ROR2: variants seen among roughly 807,000 people sequenced by gnomAD.
ROR2 encodes the protein ROR family WNT receptor 2, also known as tyrosine-protein kinase transmembrane receptor ROR2.
A neutral mutation model predicts 74.9 loss-of-function variants in ROR2; 33 were observed. The observed-to-expected ratio is 0.44, with a 90% confidence interval of 0.33 to 0.59. The LOEUF (loss-of-function observed/expected upper bound fraction) is 0.59. ROR2 is among the 20% of genes least tolerant of loss of function. The pLI is 0.02. For missense variants in ROR2, 1,216 were observed against 1,313.8 expected (o/e 0.93, Z 1.15); for synonymous variants, 586 against 558.7 (o/e 1.05, Z -0.69).
intron 1 of ROR2, among the ~76,000 whole-genome samples, chr9:91,943,453 C>T (rs147279085): frequency 6.6e-6 from 1 of 152,184 alleles, no homozygotes; most frequent in East Asian, 1.9e-4. Context: ...TCAACCCCTC[C>T]AGATTCTTCC....
At chr9:91,763,190 G>T (rs1825966893) in intron 2 of ROR2, among the ~76,000 whole-genome samples, 1 of 152,186 alleles carries the variant, frequency 6.6e-6, no homozygotes, top group Non-Finnish European at 1.5e-5. Flanking sequence ...AAGGTAGGAG[G>T]AGGGTGAGGA....
intron 1 of ROR2, among the ~76,000 whole-genome samples, chr9:91,878,142 C>G (rs1354081263): frequency 6.6e-6 from 1 of 152,098 alleles, no homozygotes; most frequent in East Asian, 1.9e-4. Context: ...AAAAAACACC[C>G]TAGAGTAGCC....
chr9:91,869,994 G>A (rs942007274), intron 1 of ROR2, among the ~76,000 whole-genome samples: 4 of 152,162 alleles, frequency 2.6e-5, no homozygotes, highest in Non-Finnish European at 5.9e-5. Flanking sequence ...CATCTGTTCC[G>A]AGAGCCAAGA....
intron 1 of ROR2, among the ~76,000 whole-genome samples, chr9:91,900,320 G>GC (rs1345195266): frequency 3.3e-5 from 5 of 152,128 alleles, no homozygotes; most frequent in Non-Finnish European, 5.9e-5. Flanking sequence ...GACGGCAGAC[G>GC]CAAGTCCTCC....
At chr9:91,948,387 T>C (rs1239968818) in intron 1 of ROR2, among the ~76,000 whole-genome samples, 3 of 152,138 alleles carry the variant, frequency 2.0e-5, no homozygotes, top group African/African-American at 7.2e-5. Flanking sequence ...GGGGGAGGGG[T>C]TGCAGAAATC....
chr9:91,871,767 G>A (rs1216648807), intron 1 of ROR2, among the ~76,000 whole-genome samples: 1 of 152,086 alleles, frequency 6.6e-6, no homozygotes, highest in East Asian at 1.9e-4. Context: ...AGTCCTTTTT[G>A]GAACCCAGCC....
At chr9:91,860,303 C>T (rs1166537869) in intron 1 of ROR2, among the ~76,000 whole-genome samples, 1 of 152,174 alleles carries the variant, frequency 6.6e-6, no homozygotes. Context: ...GAAACTGAAG[C>T]ACCCCAAGGC....
Position 91,724,352 on chromosome 9 carries a change from G to T in ROR2, c.2142C>A (p.Pro714=). 4 of 1,613,606 alleles carry T rather than the reference G, an allele frequency of 2.5e-6. No individual in the cohort carries two copies. The part of the protein sequence containing the change: ...MIRNRQVLPC[P]DDCPAWVYAL... Reference sequence around the variant, plus strand: ...CATACACCCAGGCGGGACAGTCATCGGGGCAAGGCAGCACCTGCCGGTTCC... The same window carrying T: ...CATACACCCAGGCGGGACAGTCATCTGGGCAAGGCAGCACCTGCCGGTTCC... The change falls in exon 9 of 9, where the codon CCC becomes CCA. Residue 714 remains proline, a synonymous_variant. Transcript: ENST00000375708.
intron 1 of ROR2, among the ~76,000 whole-genome samples, chr9:91,791,790 C>T (rs1587722482): frequency 1.3e-5 from 2 of 152,042 alleles, no homozygotes; most frequent in South Asian, 2.1e-4. Flanking sequence ...TTCCTAAGTG[C>T]ACATAAAACA....
Position 91,724,949 on chromosome 9 carries a change from C to A in ROR2, c.1545G>T (p.Gly515=). The stretch of plus-strand genomic sequence containing the variant: ...CATGCCGGAACTCCTCCCGCAGGGG[C>A]CCCTCCGCTTTGTCCTTCAGCGTTT... ...AIKTLKDKAE[G]PLREEFRHEA... is the part of the protein sequence containing the mutation. Residue 515 remains glycine (G), a synonymous_variant, in exon 9 of 9, where the codon GGG becomes GGT. Coordinates refer to ENST00000375708, the MANE Select transcript of ROR2 (RefSeq NM_004560.4). 1 of 1,613,226 alleles carries A rather than the reference C, an allele frequency of 6.2e-7. No homozygotes were observed. Among genetic ancestry groups the A allele is most frequent in the Non-Finnish European group, 8.5e-7 (1 of 1,179,752 alleles).
chr9:91,933,360 T>C (rs535269838), intron 1 of ROR2, among the ~76,000 whole-genome samples: 1 of 151,892 alleles, frequency 6.6e-6, no homozygotes, highest in South Asian at 2.1e-4. Flanking sequence ...AAATTGGCTC[T>C]ACAGATACTC....
intron 2 of ROR2, among the ~76,000 whole-genome samples, chr9:91,758,977 C>T (rs949677860): frequency 6.6e-6 from 1 of 152,240 alleles, no homozygotes; most frequent in Non-Finnish European, 1.5e-5. Flanking sequence ...TTACATCAGA[C>T]AAAGCTAAAA....
intron 2 of ROR2, 52 bp downstream of exon 2, chr9:91,775,689 T>C: frequency 6.4e-7 from 1 of 1,556,470 alleles, no homozygotes; most frequent in Non-Finnish European, 8.9e-7. Context: ...AAGATGAGCC[T>C]CAGCACAGGG....
intron 8 of ROR2, among the ~76,000 whole-genome samples, chr9:91,725,906 C>T (rs1181372732): frequency 1.3e-5 from 2 of 152,212 alleles, no homozygotes; most frequent in Non-Finnish European, 2.9e-5. Context: ...AGTGCATCAG[C>T]TCCCTCCTGG....
chr9:91,820,111 T>G (rs1441301871), intron 1 of ROR2, among the ~76,000 whole-genome samples: 1 of 152,242 alleles, frequency 6.6e-6, no homozygotes, highest in Admixed American at 6.5e-5. Context: ...CTTTGTAATC[T>G]TTTTCCTTTC....
At chr9:91,935,674 G>T (rs1164790925) in intron 1 of ROR2, among the ~76,000 whole-genome samples, 1 of 152,206 alleles carries the variant, frequency 6.6e-6, no homozygotes, top group Non-Finnish European at 1.5e-5. Context: ...GGCCCTGGGG[G>T]CAGACTGTCT....
intron 1 of ROR2, among the ~76,000 whole-genome samples, chr9:91,778,435 C>G (rs547495774): frequency 1.3e-5 from 2 of 152,182 alleles, no homozygotes; most frequent in East Asian, 3.9e-4. Context: ...TACATAAAGG[C>G]CTTTTCGGTT....
chr9:91,824,155 G>A (rs555425066), intron 1 of ROR2, among the ~76,000 whole-genome samples: 1 of 152,190 alleles, frequency 6.6e-6, no homozygotes, highest in Non-Finnish European at 1.5e-5. Flanking sequence ...TCACGACCAG[G>A]CCACCTTCCC....
chr9:91,916,934 G>T (rs577600392), intron 1 of ROR2, among the ~76,000 whole-genome samples: 43 of 152,210 alleles, frequency 2.8e-4, no homozygotes, highest in Admixed American at 1.4e-3. Flanking sequence ...CCATGCTGGA[G>T]TGGAAAATGT....
Sources: allele counts gnomAD v4.1 joint callset (sites outside exome capture counted in the v4.1 genomes callset), GRCh38; gene constraint gnomAD v4.1.1; transcripts MANE v1.5; gene names NCBI Gene and HGNC (gene_info 2026-07-23, HGNC 2026-07-21).